The following DOCK1 variants were observed in gnomAD, a reference collection of about 807,000 sequenced individuals.
DOCK1 encodes the protein dedicator of cytokinesis protein 1.
A neutral mutation model predicts 262.7 loss-of-function variants in DOCK1; 138 were observed. That is an observed-to-expected ratio of 0.53 (90% CI 0.46 to 0.61). The LOEUF (loss-of-function observed/expected upper bound fraction) is 0.61. Ranked by LOEUF, DOCK1 falls within the 20% of genes least tolerant of loss-of-function variation. The probability of loss-of-function intolerance (pLI) is 0.00; values close to 1 mark genes in which losing one functional copy is unlikely to be tolerated. For missense variants in DOCK1, 1,908 were observed against 2,370.7 expected, an observed-to-expected ratio of 0.80 and a Z score of 4.05; for synonymous variants, 866 against 867.4, an observed-to-expected ratio of 1.00 and a Z score of 0.03.
intron 47 of DOCK1, among the ~76,000 whole-genome samples, chr10:127,428,485 A>ATGTGGATTGGGGTGTCG (rs2068970356): frequency 8.6e-6 from 1 of 116,942 alleles, no homozygotes; most frequent in Admixed American, 8.5e-5. Context: ...TTGGGGTGTC[A>ATGTGGATTGGGGTGTCG]TGTGGATTGG....
intron 1 of DOCK1, among the ~76,000 whole-genome samples, chr10:126,943,450 T>C (rs2035167560): frequency 6.6e-6 from 1 of 151,824 alleles, no homozygotes; most frequent in Admixed American, 6.6e-5. Context: ...TAAATGGGAG[T>C]AGTAATAGTG....
At chr10:127,003,292 G>GA (rs1229788359) in intron 10 of DOCK1, among the ~76,000 whole-genome samples, 1 of 151,380 alleles carries the variant, frequency 6.6e-6, no homozygotes, top group Non-Finnish European at 1.5e-5. Flanking sequence ...GAACCTGTGT[G>GA]AACCTGCGTG....
intron 25 of DOCK1, among the ~76,000 whole-genome samples, chr10:127,119,083 A>G (rs991132221): frequency 1.3e-5 from 2 of 148,338 alleles, no homozygotes; most frequent in African/African-American, 5.0e-5. Context: ...TCGCTCTGTC[A>G]CCCAGGCTGG....
intron 38 of DOCK1, among the ~76,000 whole-genome samples, chr10:127,397,176 T>C (rs2066922007): frequency 7.3e-6 from 1 of 136,270 alleles, no homozygotes; most frequent in Admixed American, 7.4e-5. Flanking sequence ...GATCTGAGCA[T>C]GAGTTACACG....
chr10:127,196,929 G>A (rs1438360637), intron 27 of DOCK1, among the ~76,000 whole-genome samples: 1 of 152,076 alleles, frequency 6.6e-6, no homozygotes, highest in East Asian at 1.9e-4. Context: ...ATGGGGGGTC[G>A]CTGGGGACCC....
chr10:127,401,738 T>C (rs1166074756), intron 38 of DOCK1, among the ~76,000 whole-genome samples: 1 of 152,182 alleles, frequency 6.6e-6, no homozygotes, highest in East Asian at 1.9e-4. Flanking sequence ...TACACCTGCC[T>C]GACCATCATC....
chr10:126,983,414 T>G (rs1052363052), intron 4 of DOCK1, among the ~76,000 whole-genome samples: 3 of 152,176 alleles, frequency 2.0e-5, no homozygotes, highest in Admixed American at 1.3e-4. Context: ...TGGGCCACGC[T>G]TTCATCCCAC....
At chr10:127,021,941 C>G (rs548588209) in intron 13 of DOCK1, among the ~76,000 whole-genome samples, 177 of 152,208 alleles carry the variant, frequency 1.2e-3, no homozygotes, top group African/African-American at 4.1e-3. Context: ...CGGAACCGCT[C>G]TTTGGCTCCT....
At chr10:126,950,787 G>T (rs1415296818) in intron 1 of DOCK1, among the ~76,000 whole-genome samples, 1 of 152,098 alleles carries the variant, frequency 6.6e-6, no homozygotes, top group Non-Finnish European at 1.5e-5. Context: ...GATGATGTGA[G>T]GAAATGCGTC....
intron 23 of DOCK1, among the ~76,000 whole-genome samples, chr10:127,074,776 C>T (rs766320779): frequency 5.3e-5 from 8 of 152,030 alleles, no homozygotes; most frequent in East Asian, 1.9e-4. Flanking sequence ...ACACAAGTCT[C>T]GTTGATTTTT....
chr10:127,017,392 G>A (rs2042064079), intron 12 of DOCK1, among the ~76,000 whole-genome samples: 2 of 151,668 alleles, frequency 1.3e-5, no homozygotes, highest in South Asian at 4.2e-4. Flanking sequence ...CATACATACA[G>A]ATACAGACAC....
At chr10:127,424,104 ATG>A (rs1215886043) in intron 46 of DOCK1, among the ~76,000 whole-genome samples, 1 of 152,168 alleles carries the variant, frequency 6.6e-6, no homozygotes, top group African/African-American at 2.4e-5. Flanking sequence ...GTGCATTGGA[ATG>A]TGTTTACTCA....
At chr10:127,075,658 A>G (rs1228103631) in intron 23 of DOCK1, among the ~76,000 whole-genome samples, 2 of 152,200 alleles carry the variant, frequency 1.3e-5, no homozygotes, top group African/African-American at 4.8e-5. Flanking sequence ...TGGCGGCAGG[A>G]GAGAGAGCGG....
chr10:127,448,798 C>G (rs1246517539), intron 51 of DOCK1, among the ~76,000 whole-genome samples: 18 of 80,070 alleles, frequency 2.2e-4, no homozygotes, highest in Non-Finnish European at 1.6e-4. Flanking sequence ...AATGGTGAGA[C>G]ATGGTTTTTT....
chr10:126,968,326 A>G (rs1167163288), intron 1 of DOCK1, among the ~76,000 whole-genome samples: 1 of 141,160 alleles, frequency 7.1e-6, no homozygotes, highest in Non-Finnish European at 1.5e-5. Flanking sequence ...AAATGAACAA[A>G]GGGCTAGGGG....
intron 23 of DOCK1, among the ~76,000 whole-genome samples, chr10:127,076,389 T>C (rs1432086109): frequency 2.0e-5 from 3 of 152,142 alleles, no homozygotes; most frequent in African/African-American, 2.4e-5. Flanking sequence ...TAGTCCCTGC[T>C]AATCAGGAGA....
chr10:127,103,037 T>C lies in DOCK1; in HGVS notation c.2446-3194T>C, dbSNP rs144879882. ...TGCCTTTTCCAGAATGTTATGAAAATTGAGTCACATGGGATGCAGCCTCTT... is the reference window on the plus strand; with the variant it reads ...TGCCTTTTCCAGAATGTTATGAAAACTGAGTCACATGGGATGCAGCCTCTT... On this transcript the variant is annotated intron_variant, in intron 23 of 51. Transcript: ENST00000623213. Among the ~76,000 whole-genome samples, 1,208 of 152,264 alleles carry C rather than the reference T, an allele frequency of 7.9e-3. 13 individuals carry two copies. The highest frequency in any genetic ancestry group is 0.028 in the African/African-American group (1,159 of 41,560).
chr10:126,912,918 A>T (rs544748155), intron 1 of DOCK1, among the ~76,000 whole-genome samples: 1 of 152,184 alleles, frequency 6.6e-6, no homozygotes, highest in East Asian at 1.9e-4. Flanking sequence ...AGTGTAGCCC[A>T]TAACAGTATG....
chr10:127,233,552 CTTA>C (rs2058933403), intron 27 of DOCK1, among the ~76,000 whole-genome samples: 1 of 152,122 alleles, frequency 6.6e-6, no homozygotes, highest in Admixed American at 6.6e-5. Context: ...ACCAGATGGT[CTTA>C]TTAAGATACT....
Sources: gnomAD v4.1 joint callset for allele counts (sites outside exome capture counted in the v4.1 genomes callset) on GRCh38, gnomAD v4.1.1 for gene constraint, MANE v1.5 for transcripts, NCBI Gene and HGNC (gene_info 2026-07-23, HGNC 2026-07-21) for gene names.